Variants in OSBPL9 observed in about 807,000 individuals in gnomAD.
OSBPL9 encodes the protein oxysterol-binding protein-related protein 9.
In OSBPL9, 40 loss-of-function variants were observed where a neutral mutation model predicts 106.6. The observed-to-expected ratio is 0.38, with a 90% confidence interval of 0.29 to 0.49. The LOEUF is 0.49. Ranked by LOEUF, OSBPL9 falls within the 20% of genes least tolerant of loss-of-function variation. OSBPL9 has a pLI of 0.97. For synonymous variants in OSBPL9, 269 were observed against 295.4 expected (o/e 0.91, Z 0.92); for missense variants, 609 against 887.2 (o/e 0.69, Z 3.98).
upstream of OSBPL9, among the ~76,000 whole-genome samples, chr1:51,573,508 CAAAAAAAAAA>C (rs961323006): frequency 8.0e-5 from 2 of 25,060 alleles, no homozygotes; most frequent in African/African-American, 1.5e-4. Flanking sequence ...AACTCCATCT[CAAAAAAAAAA>C]AAAAAAAAAA....
chr1:51,783,012 G>A (rs990689668), intron 17 of OSBPL9, among the ~76,000 whole-genome samples: 5 of 152,062 alleles, frequency 3.3e-5, no homozygotes, highest in Admixed American at 6.5e-5. Context: ...TACCAAAACC[G>A]AGGATGCTGA....
At chr1:51,538,662 G>A in the OSBPL9 span, 1 of 152,124 alleles carries the variant, frequency 6.6e-6, no homozygotes, top group Non-Finnish European at 1.5e-5. Flanking sequence ...TCATCCTTGT[G>A]TAGGAGTCAA....
intron 22 of OSBPL9, 66 bp from the exon 23 acceptor site, chr1:51,787,287 T>C (rs1677894395): frequency 2.7e-6 from 4 of 1,491,950 alleles, no homozygotes; most frequent in South Asian, 1.2e-5. Context: ...TGTATTATAC[T>C]ATATTCAGGA....
chr1:51,540,257 C>A, the OSBPL9 span, among the ~76,000 whole-genome samples: 1 of 151,910 alleles, frequency 6.6e-6, no homozygotes, highest in African/African-American at 2.4e-5. Flanking sequence ...TAATTAGAAT[C>A]ATGCTATTTC....
the OSBPL9 span, chr1:51,566,452 C>T: frequency 1.3e-5 from 2 of 152,226 alleles, no homozygotes; most frequent in Non-Finnish European, 2.9e-5. Flanking sequence ...CCTCCAGAGC[C>T]CCAGCTGCCA....
chr1:51,540,107 T>C, the OSBPL9 span, among the ~76,000 whole-genome samples: 6 of 152,342 alleles, frequency 3.9e-5, no homozygotes, highest in African/African-American at 1.4e-4. Flanking sequence ...AAATGTCAAA[T>C]ATTGTTTTCT....
intron 3 of OSBPL9, among the ~76,000 whole-genome samples, chr1:51,700,671 A>G (rs572602330): frequency 2.0e-5 from 3 of 152,322 alleles, no homozygotes; most frequent in East Asian, 1.9e-4. Context: ...TAGGATGTCA[A>G]TTAATCTTAT....
At chr1:51,739,011 T>G (rs905580954) in intron 4 of OSBPL9, among the ~76,000 whole-genome samples, 45 of 151,988 alleles carry the variant, frequency 3.0e-4, no homozygotes, top group Admixed American at 2.9e-3. Flanking sequence ...TGAGAAAATG[T>G]AAGTGAAAAA....
chr1:51,709,264 C>T (rs1214510662), intron 3 of OSBPL9: 3 of 215,054 alleles, frequency 1.4e-5, no homozygotes, highest in South Asian at 1.6e-4. Context: ...AGGAGCAGGG[C>T]ACTTGTCCTT....
chr1:51,585,263 A>G (rs533843361), intron 1 of OSBPL9, among the ~76,000 whole-genome samples: 5 of 152,198 alleles, frequency 3.3e-5, no homozygotes, highest in Admixed American at 1.3e-4. Context: ...CAAGAAAAAA[A>G]AATTCAGACC....
At chr1:51,560,265 T>C in the OSBPL9 span, among the ~76,000 whole-genome samples, 1 of 152,182 alleles carries the variant, frequency 6.6e-6, no homozygotes, top group Non-Finnish European at 1.5e-5. Context: ...GTACAGTGGG[T>C]GTAATCAATA....
intron 2 of OSBPL9, among the ~76,000 whole-genome samples, chr1:51,604,794 C>T (rs1643930357): frequency 1.3e-5 from 2 of 151,966 alleles, no homozygotes; most frequent in South Asian, 4.2e-4. Context: ...GCTGGGATTA[C>T]AGGCGCCTGC....
At chr1:51,651,887 A>T in intron 1 of OSBPL9, 104 bp from the exon 2 acceptor site, 3 of 804,020 alleles carry the variant, frequency 3.7e-6, no homozygotes, top group Non-Finnish European at 6.1e-6. Context: ...GGCAGAAGGG[A>T]TGGGTATTAC....
At chr1:51,662,883 T>C (rs1328135278) in intron 2 of OSBPL9, among the ~76,000 whole-genome samples, 2 of 151,834 alleles carry the variant, frequency 1.3e-5, no homozygotes, top group African/African-American at 2.4e-5. Context: ...TAGCTAGGAC[T>C]ACAGGCGCCC....
chr1:51,784,966 C>T (rs1677255338), intron 20 of OSBPL9: 1 of 208,088 alleles, frequency 4.8e-6, no homozygotes, highest in Non-Finnish European at 9.6e-6. Flanking sequence ...CACAGCTATC[C>T]CTTTTTCTGT....
At chr1:51,630,139 G>A (rs1645019313) in intron 1 of OSBPL9, among the ~76,000 whole-genome samples, 1 of 152,052 alleles carries the variant, frequency 6.6e-6, no homozygotes, top group African/African-American at 2.4e-5. Flanking sequence ...AGACAGAAAA[G>A]TCCATCCAGG....
At chr1:51,784,737 A>G (rs1332086057) in intron 20 of OSBPL9, 155 bp downstream of exon 20, 3 of 867,192 alleles carry the variant, frequency 3.5e-6, no homozygotes, top group East Asian at 2.6e-5. Flanking sequence ...CTGAAGTCCC[A>G]TATCAGAAGA....
At position 51,695,645 on chromosome 1, in the gene OSBPL9, C is replaced by T. The variant is rs116715010; in HGVS notation, c.242-18358C>T. ...AATGGGATGGGGTGAGTTTATTTAACGGAACTAGGGGTGTCTGAAGCCTAG... is the reference window on the plus strand; with the variant it reads ...AATGGGATGGGGTGAGTTTATTTAATGGAACTAGGGGTGTCTGAAGCCTAG... On this transcript the variant is annotated intron_variant, in intron 3 of 23. Transcript: ENST00000428468. Among the ~76,000 whole-genome samples the T allele has an allele frequency of 6.4e-3, 980 of 152,208 alleles. 8 individuals are homozygous for T. The highest frequency in any genetic ancestry group is 0.011 in the Non-Finnish European group (761 of 68,002).
chr1:51,555,058 T>A, the OSBPL9 span, among the ~76,000 whole-genome samples: 1 of 152,238 alleles, frequency 6.6e-6, no homozygotes, highest in Non-Finnish European at 1.5e-5. Flanking sequence ...GAATCTATGC[T>A]CCTTATGCCT....
Sources: allele counts gnomAD v4.1 joint callset (sites outside exome capture counted in the v4.1 genomes callset), GRCh38; gene constraint gnomAD v4.1.1; transcripts MANE v1.5; gene names NCBI Gene and HGNC (gene_info 2026-07-23, HGNC 2026-07-21).